The following LLGL2 variants were observed in gnomAD, a reference collection of about 807,000 sequenced individuals.
The protein encoded by LLGL2 is LLGL2, scribble cell polarity complex component.
LLGL2 carries 81 observed loss-of-function variants against 123.2 expected under a neutral mutation model. The ratio of observed to expected loss-of-function variants is 0.66; its 90% CI spans 0.55 to 0.79. The LOEUF is 0.79. Among genes scored for constraint, LLGL2 ranks in the 30% least tolerant of loss-of-function variants. LLGL2 has a pLI of 0.00. For missense variants in LLGL2, 1,273 were observed against 1,414.6 expected, an observed-to-expected ratio of 0.90 and a Z score of 1.61; for synonymous variants, 577 against 594.1, an observed-to-expected ratio of 0.97 and a Z score of 0.42.
chr17:75,540,898 A>T (rs190201038), intron 1 of LLGL2, among the ~76,000 whole-genome samples: 1 of 152,322 alleles, frequency 6.6e-6, no homozygotes. Context: ...TCAGCGACCC[A>T]TGACTGTGAC....
intron 10 of LLGL2, among the ~76,000 whole-genome samples, chr17:75,566,626 A>G (rs532298961): frequency 2.0e-5 from 3 of 152,346 alleles, no homozygotes; most frequent in Admixed American, 1.3e-4. Flanking sequence ...ATTGACAGGA[A>G]TAGGCAGGAG....
chr17:75,526,639 C>CCCTGGGGATCCGTATG (rs2053583490), intron 1 of LLGL2, among the ~76,000 whole-genome samples: 1 of 152,082 alleles, frequency 6.6e-6, no homozygotes, highest in African/African-American at 2.4e-5. Context: ...GCGCCCCTTC[C>CCCTGGGGATCCGTATG]CCTGGGGATC....
chr17:75,540,145 C>T lies in LLGL2; in HGVS notation c.-30-3252C>T, dbSNP rs190874312. Reference sequence around the variant, plus strand: ...AGCCCTGGCCTGTTGGCCCCTAGCCCAGGGCTCTTTCCCTTACAACCCCTG... The same window carrying T: ...AGCCCTGGCCTGTTGGCCCCTAGCCTAGGGCTCTTTCCCTTACAACCCCTG... On this transcript the variant is annotated intron_variant, in intron 1 of 25. Transcript: ENST00000392550. 7.2e-3 allele frequency among the ~76,000 whole-genome samples: 1,096 copies of T among 152,216 alleles called. 8 individuals are homozygous for T. The highest frequency in any genetic ancestry group is 0.012 in the Non-Finnish European group (838 of 67,992).
In LLGL2 at chr17:75,554,201, C is replaced by T. The variant is rs573734389; in HGVS notation, c.76-1845C>T. The stretch of plus-strand genomic sequence containing the variant: ...CCTGTAATCCTAGCTCCTGGGGAGA[C>T]TGAGGCAGGAGAATCACTTGAACCT... On this transcript the variant is annotated intron_variant, in intron 2 of 25. Coordinates refer to ENST00000392550, the MANE Select transcript of LLGL2 (RefSeq NM_001031803.2). 2.8e-3 allele frequency among the ~76,000 whole-genome samples: 418 copies of T among 150,644 alleles called. 1 individual carries two copies. The highest frequency in any genetic ancestry group is 9.1e-3 in the African/African-American group (372 of 40,710).
Position 75,568,959 on chromosome 17 carries a change from A to G in LLGL2, c.1323-19A>G, listed in dbSNP as rs767619194. 1 of 1,604,682 alleles carries G rather than the reference A, an allele frequency of 6.2e-7. No individual in the cohort carries two copies. The highest frequency in any genetic ancestry group is 1.1e-5 in the South Asian group (1 of 90,490). ...GGCTGGCATCCCTCTCACGCCTGGC[A>G]GGTGGGTTCTGCCCACAGGCACGAG... is the stretch of plus-strand genomic sequence containing the variant. On this transcript the variant is annotated intron_variant, in intron 12 of 25. Transcript: ENST00000392550.
At chr17:75,533,231 C>T (rs1284629801) in intron 1 of LLGL2, among the ~76,000 whole-genome samples, 1 of 151,274 alleles carries the variant, frequency 6.6e-6, no homozygotes, top group African/African-American at 2.4e-5. Context: ...GATCTCCTGA[C>T]CTCGTGATCT....
At chr17:75,574,044 CG>C (rs1351625993) in intron 22 of LLGL2, 64 bp downstream of exon 22, 1 of 1,550,104 alleles carries the variant, frequency 6.5e-7, no homozygotes, top group Non-Finnish European at 8.7e-7. Flanking sequence ...TGGGGCTGGA[CG>C]GGAGGGAAGG....
At chr17:75,550,734 T>C (rs1056314430) in intron 2 of LLGL2, among the ~76,000 whole-genome samples, 1 of 140,464 alleles carries the variant, frequency 7.1e-6, no homozygotes, top group African/African-American at 2.7e-5. Context: ...TGAGCTGAGA[T>C]CGTACCACTG....
chr17:75,563,296 G>C, intron 7 of LLGL2, 35 bp from the exon 8 acceptor site: 1 of 1,608,590 alleles, frequency 6.2e-7, no homozygotes, highest in South Asian at 1.1e-5. Context: ...TCGGTCCAGC[G>C]TGCTGCCCTC....
chr17:75,569,456 T>G, intron 14 of LLGL2, 131 bp downstream of exon 14: 2 of 759,738 alleles, frequency 2.6e-6, no homozygotes, highest in South Asian at 3.3e-5. Context: ...GGAGGTGGCT[T>G]GATCCCCTTG....
chr17:75,573,428 G>A, intron 20 of LLGL2, 53 bp from the exon 21 acceptor site: 1 of 1,584,692 alleles, frequency 6.3e-7, no homozygotes. Context: ...CAGGTGGGGA[G>A]GCAGCCTTGG....
chr17:75,569,207 C>T lies in LLGL2; in HGVS notation c.1477-14C>T. ...GTCCCCGTGGCTGCTCACAGGGCCC[C>T]TCCCCTTCTCCAGGTGGGCTCCTTT... is the stretch of plus-strand genomic sequence containing the variant. On this transcript the variant is annotated splice_polypyrimidine_tract_variant and intron_variant, in intron 13 of 25. Coordinates refer to ENST00000392550, the MANE Select transcript of LLGL2 (RefSeq NM_001031803.2). The T allele has an allele frequency of 6.2e-7, 1 of 1,612,874 alleles. No homozygotes were observed. The highest frequency in any genetic ancestry group is 8.5e-7 in the Non-Finnish European group (1 of 1,179,450).
chr17:75,562,989 G>A, intron 6 of LLGL2, 27 bp from the exon 7 acceptor site: 1 of 1,607,854 alleles, frequency 6.2e-7, no homozygotes, highest in Non-Finnish European at 8.5e-7. Flanking sequence ...GACGGCATCG[G>A]AGGCTCACGG....
chr17:75,571,065 G>C lies in LLGL2; in HGVS notation c.2141G>C (p.Arg714Pro), dbSNP rs370964495. 22 of 1,612,802 alleles carry C rather than the reference G, an allele frequency of 1.4e-5. No individual in the cohort carries two copies. The highest frequency in any genetic ancestry group is 1.7e-5 in the Admixed American group (1 of 59,988). Residue 714 changes from arginine to proline, a missense_variant, in exon 17 of 26, where the codon CGG becomes CCG. By Grantham distance (103) the Arg-to-Pro change is moderately radical (BLOSUM62 -2). Transcript: ENST00000392550. Reference sequence around the variant, plus strand: ...GAGGACTCCTTCACAGGCTTCGTCCGGACCCTGTACTTTGCTGACACCTAC... The same window carrying C: ...GAGGACTCCTTCACAGGCTTCGTCCCGACCCTGTACTTTGCTGACACCTAC... The part of the protein sequence containing the change: ...SAEDSFTGFV[R>P]TLYFADTYLK...
At chr17:75,545,422 C>T (rs997198606) in intron 2 of LLGL2, among the ~76,000 whole-genome samples, 6 of 152,130 alleles carry the variant, frequency 3.9e-5, no homozygotes, top group African/African-American at 1.4e-4. Context: ...AGGGAGGAGG[C>T]TGATGGCCTG....
chr17:75,554,168 G>T (rs551786088), intron 2 of LLGL2, among the ~76,000 whole-genome samples: 4 of 152,120 alleles, frequency 2.6e-5, no homozygotes, highest in Non-Finnish European at 5.9e-5. Flanking sequence ...TGGGCATGGT[G>T]GTGGGTGCCT....
chr17:75,526,962 G>A (rs2053595026), intron 1 of LLGL2, among the ~76,000 whole-genome samples: 1 of 152,064 alleles, frequency 6.6e-6, no homozygotes, highest in Non-Finnish European at 1.5e-5. Context: ...GAGCCCAGGA[G>A]TTTGAGACCA....
rs200283598 is a variant in LLGL2 at position 75,559,409 on chromosome 17, C to T, written c.529C>T (p.Arg177Trp). 248 of 1,604,296 alleles carry T rather than the reference C, an allele frequency of 1.5e-4. No individual in the cohort carries two copies. Among genetic ancestry groups the T allele is most frequent in the Non-Finnish European group, 1.9e-4 (223 of 1,176,018 alleles). ...CATCAGCTCGGACGCGGTGCTGCAG[C>T]GGTGAGCCCAGAGCCCAGCTGCTGT... ...RTISSDAVLQ[R>W]LPEEARHRRV... Residue 177 changes from arginine (R) to tryptophan (W), a missense_variant and splice_region_variant, in exon 6 of 26, where the codon CGG becomes TGG. Arg to Trp is a moderately radical substitution (Grantham distance 101, BLOSUM62 -3). Coordinates refer to ENST00000392550, the MANE Select transcript of LLGL2 (RefSeq NM_001031803.2). This position sits in a 1 kb window ranked among gnomAD's most constrained non-coding sequence, Gnocchi z 4.6.
intron 2 of LLGL2, among the ~76,000 whole-genome samples, chr17:75,554,158 T>C (rs1439564496): frequency 6.6e-6 from 1 of 152,000 alleles, no homozygotes; most frequent in African/African-American, 2.4e-5. Context: ...AAAAATTAGC[T>C]GGGCATGGTG....
Sources: allele counts gnomAD v4.1 joint callset (sites outside exome capture counted in the v4.1 genomes callset), GRCh38; gene constraint gnomAD v4.1.1; non-coding constraint Gnocchi (gnomAD v3.1); transcripts MANE v1.5; gene names NCBI Gene and HGNC (gene_info 2026-07-23, HGNC 2026-07-21).